Variants in NTN4 observed in about 807,000 individuals in gnomAD.
NTN4 encodes the protein netrin-4.
A neutral mutation model predicts 73.6 loss-of-function variants in NTN4; 32 were observed. The observed-to-expected ratio is 0.44, with a 90% CI of 0.33 to 0.58. NTN4 has a LOEUF of 0.58. NTN4 is among the 20% of genes least tolerant of loss of function. NTN4 has a pLI of 0.04. For missense variants in NTN4, 654 were observed against 798.3 expected (o/e 0.82, Z 2.18); for synonymous variants, 258 against 287.5 (o/e 0.90, Z 1.04).
intron 7 of NTN4, chr12:95,673,612 G>A (rs1268162114): frequency 1.7e-5 from 2 of 118,646 alleles, no homozygotes; most frequent in Non-Finnish European, 3.4e-5. Flanking sequence ...TAGCTTAGGT[G>A]TTACATTTAC....
At chr12:95,694,768 G>T (rs553791268) in intron 5 of NTN4, among the ~76,000 whole-genome samples, 3 of 152,158 alleles carry the variant, frequency 2.0e-5, no homozygotes, top group African/African-American at 7.2e-5. Context: ...ATTGATCCTT[G>T]CAATGTTATA....
intron 7 of NTN4, chr12:95,672,499 A>G (rs960478868): frequency 1.3e-6 from 2 of 1,537,064 alleles, no homozygotes; most frequent in Non-Finnish European, 1.8e-6. Context: ...AGCGACCCGG[A>G]CCCTCTGGAC....
chr12:95,755,134 G>T (rs995272732), intron 2 of NTN4, among the ~76,000 whole-genome samples: 1 of 152,044 alleles, frequency 6.6e-6, no homozygotes. Flanking sequence ...TATGTAATTC[G>T]CAGACTAGTT....
At chr12:95,700,908 G>A (rs775320999) in intron 5 of NTN4, among the ~76,000 whole-genome samples, 4 of 147,134 alleles carry the variant, frequency 2.7e-5, no homozygotes, top group East Asian at 2.0e-4. Flanking sequence ...CTGCCTCCTC[G>A]GTTCAAGTGA....
chr12:95,659,241 A>G lies in NTN4; in HGVS notation c.1751-19T>C, dbSNP rs2078117156. 11 of 1,601,316 alleles carry G rather than the reference A, an allele frequency of 6.9e-6. No individual in the cohort carries two copies. Among genetic ancestry groups the G allele is most frequent in the African/African-American group, 1.3e-5 (1 of 74,320 alleles). ...TCCAAACCTAAAAAAGAACAAAATT[A>G]GGGGCTATACAGTATCATACTTTGT... On this transcript the variant is annotated intron_variant, in intron 9 of 9. Coordinates refer to ENST00000343702, the MANE Select transcript of NTN4 (RefSeq NM_021229.4).
intron 2 of NTN4, among the ~76,000 whole-genome samples, chr12:95,753,033 G>A (rs2078921890): frequency 6.6e-6 from 1 of 152,002 alleles, no homozygotes; most frequent in African/African-American, 2.4e-5. Flanking sequence ...CATTATTCCT[G>A]ATACCACACC....
chr12:95,745,908 C>T (rs75496963), intron 2 of NTN4, among the ~76,000 whole-genome samples: 5,820 of 152,270 alleles, frequency 0.038, 320 homozygotes, highest in East Asian at 0.29. Context: ...TCGAATTACT[C>T]TAACAATGAA....
At chr12:95,778,785 G>A (rs1277434761) in intron 2 of NTN4, among the ~76,000 whole-genome samples, 12 of 152,170 alleles carry the variant, frequency 7.9e-5, no homozygotes, top group Non-Finnish European at 1.6e-4. Flanking sequence ...AATAGAAAAA[G>A]AGGGAATCCT....
intron 9 of NTN4, 107 bp from the exon 10 acceptor site, chr12:95,659,329 T>C (rs2078118074): frequency 1.2e-6 from 1 of 820,122 alleles, no homozygotes; most frequent in African/African-American, 1.7e-5. Flanking sequence ...AAGGTCTTGC[T>C]CTGTTACCCA....
chr12:95,677,177 C>T (rs1019740615), intron 7 of NTN4, among the ~76,000 whole-genome samples: 2 of 151,544 alleles, frequency 1.3e-5, no homozygotes, highest in African/African-American at 4.9e-5. Flanking sequence ...TGCAGTGAGC[C>T]GAGATTGCAC....
In NTN4 at chr12:95,790,351, G is replaced by C; in HGVS notation, c.-42C>G. 1 of 1,497,862 alleles carries C rather than the reference G, an allele frequency of 6.7e-7. No individual in the cohort carries two copies. The highest frequency in any genetic ancestry group is 8.9e-7 in the Non-Finnish European group (1 of 1,117,880). 92.8% of individuals were successfully genotyped at this position (1,497,862 alleles called of 1,614,324 possible). On this transcript the variant is annotated 5_prime_UTR_variant, in exon 1 of 10. Coordinates refer to ENST00000343702, the MANE Select transcript of NTN4 (RefSeq NM_021229.4). This position sits in a 1 kb window ranked among gnomAD's most constrained non-coding sequence, Gnocchi z 6.5. ...GAGCAGCCGGGCCGGGCGGGTGCCG[G>C]AGGGAGCCGAGACCTCTGGGCTGCG...
intron 2 of NTN4, among the ~76,000 whole-genome samples, chr12:95,754,510 T>C (rs543174889): frequency 6.8e-4 from 103 of 152,256 alleles, no homozygotes; most frequent in African/African-American, 2.4e-3. Context: ...GACTTGCACG[T>C]ATACGCCCAG....
chr12:95,736,444 A>G (rs1034221771), intron 3 of NTN4, among the ~76,000 whole-genome samples: 1 of 152,174 alleles, frequency 6.6e-6, no homozygotes, highest in Non-Finnish European at 1.5e-5. Flanking sequence ...TCGAGGAAAC[A>G]AAAGATCTGC....
At chr12:95,767,586 C>A (rs757151723) in intron 2 of NTN4, among the ~76,000 whole-genome samples, 2 of 152,204 alleles carry the variant, frequency 1.3e-5, no homozygotes, top group Non-Finnish European at 2.9e-5. Context: ...AGCTTGTCCA[C>A]AGTGTCATAA....
chr12:95,710,649 A>C lies in NTN4; in HGVS notation c.992-20T>G. ...TGCAGGCTGGAAATAAGAAGCGTGG[A>C]GAGAAACACTAATAAGTAAAAATAA... On this transcript the variant is annotated intron_variant, in intron 4 of 9. Transcript: ENST00000343702. 1 of 1,604,700 alleles carries C rather than the reference A, an allele frequency of 6.2e-7. No individual in the cohort carries two copies. The highest frequency in any genetic ancestry group is 8.5e-7 in the Non-Finnish European group (1 of 1,173,752).
intron 3 of NTN4, among the ~76,000 whole-genome samples, chr12:95,721,610 C>T (rs2078648669): frequency 6.6e-6 from 1 of 152,114 alleles, no homozygotes; most frequent in Admixed American, 6.5e-5. Flanking sequence ...ATAGCACCTC[C>T]TTTATGTTAT....
At chr12:95,676,725 C>T (rs1253398724) in intron 7 of NTN4, among the ~76,000 whole-genome samples, 2 of 150,520 alleles carry the variant, frequency 1.3e-5, no homozygotes, top group Admixed American at 6.6e-5. Context: ...AAGATAAGAG[C>T]AGAATTAGTG....
chr12:95,701,515 C>A (rs1178059677), intron 5 of NTN4, among the ~76,000 whole-genome samples: 4 of 152,098 alleles, frequency 2.6e-5, no homozygotes, highest in African/African-American at 9.7e-5. Context: ...GAAGTGATTT[C>A]TTGGCATGGT....
At position 95,732,143 on chromosome 12, in the gene NTN4, A is replaced by G. The variant is rs1355775306; in HGVS notation, c.864+5723T>C. Among the ~76,000 whole-genome samples the G allele has an allele frequency of 2.0e-5, 3 of 152,192 alleles. No homozygotes were observed. In the East Asian group the frequency reaches 5.8e-4, roughly 29 times the overall value. On this transcript the variant is annotated intron_variant, in intron 3 of 9. Coordinates refer to ENST00000343702, the MANE Select transcript of NTN4 (RefSeq NM_021229.4). ...AATCCTGATTTTATAGTCTAATTTA[A>G]TAACTTTATTGTTTTTTAAATCTCC...
Sources: allele counts gnomAD v4.1 joint callset (sites outside exome capture counted in the v4.1 genomes callset), GRCh38; gene constraint gnomAD v4.1.1; non-coding constraint Gnocchi (gnomAD v3.1); transcripts MANE v1.5; gene names NCBI Gene and HGNC (gene_info 2026-07-23, HGNC 2026-07-21).